The following OCM variants were observed in gnomAD, a reference collection of about 807,000 sequenced individuals.
OCM encodes the protein oncomodulin-1.
In OCM, 18 loss-of-function variants were observed where a neutral mutation model predicts 14.1. The observed-to-expected ratio is 1.28, with a 90% CI of 0.88 to 1.89. OCM has a LOEUF of 1.89. OCM is among the 40% of genes most tolerant of loss of function. OCM has a pLI of 0.00. For synonymous variants in OCM, 48 were observed against 51.0 expected, an observed-to-expected ratio of 0.94 and a Z score of 0.25; for missense variants, 140 against 137.6, an observed-to-expected ratio of 1.02 and a Z score of -0.09.
At chr7:5,862,654 G>C in the OCM span, among the ~76,000 whole-genome samples, 1 of 149,644 alleles carries the variant, frequency 6.7e-6, no homozygotes, top group African/African-American at 2.5e-5. Context: ...GATGAATGCA[G>C]CATAAACTCT....
At chr7:5,878,549 A>G (rs981124386), upstream of OCM, among the ~76,000 whole-genome samples, 3 of 150,984 alleles carry the variant, frequency 2.0e-5, no homozygotes, top group Non-Finnish European at 3.0e-5. Flanking sequence ...GATCAAGACC[A>G]TCCTGGCTAA....
In OCM at chr7:5,882,620, G is replaced by A; in HGVS notation, c.189G>A (p.Glu63=). 1 of 1,614,088 alleles carries A rather than the reference G, an allele frequency of 6.2e-7. No individual in the cohort carries two copies. Among genetic ancestry groups the A allele is most frequent in the Non-Finnish European group, 8.5e-7 (1 of 1,180,000 alleles). ...NDQSGYLDEE[E]LKFFLQKFES... is the part of the protein sequence containing the mutation. ...AGAGCGGGTACCTGGATGAAGAAGAGCTTAAGTAAGCTTTGTCCTGAGTCT... is the reference window on the plus strand; with the variant it reads ...AGAGCGGGTACCTGGATGAAGAAGAACTTAAGTAAGCTTTGTCCTGAGTCT... The change falls in exon 2 of 4, where the codon GAG becomes GAA. Residue 63 remains glutamate, a synonymous_variant. Transcript: ENST00000242104.
rs762990240 is a variant in OCM, at chr7:5,884,033, C to G, written c.304+34C>G. 1.6e-5 allele frequency: 26 copies of G among 1,607,090 alleles called. No individual in the cohort carries two copies. The South Asian group carries it at 1.8e-4, about 11-fold the overall frequency. Reference sequence around the variant, plus strand: ...ACACGTGTACGTAGCATAAAACACTCTAGCTCAGGAAGCATCCGTGAGGGC... The same window carrying G: ...ACACGTGTACGTAGCATAAAACACTGTAGCTCAGGAAGCATCCGTGAGGGC... On this transcript the variant is annotated intron_variant, in intron 3 of 3. Coordinates refer to ENST00000242104, the MANE Select transcript of OCM (RefSeq NM_001097622.2).
intron 2 of OCM, 56 bp downstream of exon 2, chr7:5,882,681 G>A: frequency 1.3e-6 from 2 of 1,597,884 alleles, no homozygotes; most frequent in Non-Finnish European, 1.7e-6. Context: ...GGCCTGGGGT[G>A]CAGTGGGGGC....
the OCM span, among the ~76,000 whole-genome samples, chr7:5,861,096 C>T: frequency 6.6e-6 from 1 of 151,842 alleles, no homozygotes; most frequent in Non-Finnish European, 1.5e-5. Flanking sequence ...TGGTTTTTAG[C>T]AGGATGGGAG....
At chr7:5,884,364 A>C (rs1781290308) in intron 3 of OCM, among the ~76,000 whole-genome samples, 1 of 152,174 alleles carries the variant, frequency 6.6e-6, no homozygotes, top group South Asian at 2.1e-4. Flanking sequence ...AACCCCTCAG[A>C]ATAAGGGAAA....
chr7:5,860,512 ACG>A, the OCM span, among the ~76,000 whole-genome samples: 1 of 135,562 alleles, frequency 7.4e-6, no homozygotes, highest in Non-Finnish European at 1.6e-5. Context: ...ACGTATATAT[ACG>A]TGTATATATA....
chr7:5,878,351 T>G (rs966612245), upstream of OCM, among the ~76,000 whole-genome samples: 1 of 152,058 alleles, frequency 6.6e-6, no homozygotes, highest in African/African-American at 2.4e-5. Context: ...GGCAGCTCAG[T>G]GGATACAGAG....
chr7:5,885,758 G>A (rs890831632), intron 3 of OCM, among the ~76,000 whole-genome samples: 1 of 151,848 alleles, frequency 6.6e-6, no homozygotes, highest in Non-Finnish European at 1.5e-5. Context: ...CTACAGGCAC[G>A]TGCCACAACG....
At chr7:5,871,266 G>C in the OCM span, among the ~76,000 whole-genome samples, 1 of 151,216 alleles carries the variant, frequency 6.6e-6, no homozygotes, top group Admixed American at 6.6e-5. Flanking sequence ...GAGGTGGGAG[G>C]ATCACTTGAG....
chr7:5,885,615 T>A (rs1204691920), intron 3 of OCM, among the ~76,000 whole-genome samples: 15 of 146,216 alleles, frequency 1.0e-4, no homozygotes, highest in Non-Finnish European at 2.1e-4. Flanking sequence ...TTTCTTTCCT[T>A]TTTTTTTTTT....
chr7:5,866,495 AAGG>A, the OCM span, among the ~76,000 whole-genome samples: 2 of 150,772 alleles, frequency 1.3e-5, no homozygotes, highest in African/African-American at 2.4e-5. Flanking sequence ...GAAGTTAGGA[AAGG>A]AGGGAGGGAG....
At chr7:5,861,177 T>G in the OCM span, among the ~76,000 whole-genome samples, 1 of 152,006 alleles carries the variant, frequency 6.6e-6, no homozygotes, top group Non-Finnish European at 1.5e-5. Context: ...ATCCCAGCAC[T>G]TTGAGAGGCT....
chr7:5,871,180 C>G, the OCM span, among the ~76,000 whole-genome samples: 59 of 151,612 alleles, frequency 3.9e-4, no homozygotes, highest in South Asian at 5.0e-3. Flanking sequence ...GAGCCCCCCC[C>G]CCGTCTCTAC....
chr7:5,880,138 T>C (rs541488001), upstream of OCM, among the ~76,000 whole-genome samples: 4 of 152,332 alleles, frequency 2.6e-5, no homozygotes, highest in African/African-American at 7.2e-5. Context: ...GGTGCATGCC[T>C]TCTTCCACAG....
chr7:5,869,319 T>C, the OCM span, among the ~76,000 whole-genome samples: 1 of 151,692 alleles, frequency 6.6e-6, no homozygotes, highest in Admixed American at 6.6e-5. Context: ...CAGCTCTGGC[T>C]GGGCACGGTG....
At chr7:5,881,874 G>C (rs111481343) in intron 1 of OCM, among the ~76,000 whole-genome samples, 1 of 151,766 alleles carries the variant, frequency 6.6e-6, no homozygotes, top group Non-Finnish European at 1.5e-5. Context: ...ATCACTTGAG[G>C]TCAGGAGTTC....
intron 3 of OCM, among the ~76,000 whole-genome samples, chr7:5,884,535 C>G (rs900971683): frequency 6.6e-6 from 1 of 152,016 alleles, no homozygotes; most frequent in African/African-American, 2.4e-5. Flanking sequence ...TTCCATAGGC[C>G]GAATCCTAGG....
Position 5,883,908 on chromosome 7 carries a change from TGA to T in OCM, c.217_218del (p.Ser73TrpfsTer19), listed in dbSNP as rs1288113355. ...EELKFFLQKF[E>X]SGARELTESE... ...CCTGTAGGTTTTTCCTCCAGAAGTTTGAGAGTGGTGCCAGAGAACTGACCGAG... is the reference window on the plus strand; with the variant it reads ...CCTGTAGGTTTTTCCTCCAGAAGTTTGAGTGGTGCCAGAGAACTGACCGAG... On this transcript the variant is annotated frameshift_variant, in exon 3 of 4. Coordinates refer to ENST00000242104, the MANE Select transcript of OCM (RefSeq NM_001097622.2). LOFTEE classifies it high-confidence loss of function. 6.2e-7 allele frequency: 1 copy of T among 1,612,434 alleles called. No individual in the cohort carries two copies. The highest frequency in any genetic ancestry group is 2.2e-5 in the East Asian group (1 of 44,868).
Sources: gnomAD v4.1 joint callset for allele counts (sites outside exome capture counted in the v4.1 genomes callset) on GRCh38, gnomAD v4.1.1 for gene constraint, MANE v1.5 for transcripts, NCBI Gene and HGNC (gene_info 2026-07-23, HGNC 2026-07-21) for gene names.